Variants in NUGGC observed in about 807,000 individuals in gnomAD.
NUGGC encodes the protein nuclear GTPase, germinal center associated, also known as nuclear GTPase SLIP-GC.
In NUGGC, 58 loss-of-function variants were observed where a neutral mutation model predicts 92.6. The ratio of observed to expected loss-of-function variants is 0.63; its 90% confidence interval spans 0.51 to 0.78. The LOEUF is 0.78. NUGGC is among the 30% of genes least tolerant of loss of function. The pLI, the probability that NUGGC is intolerant of heterozygous loss-of-function variation, is 0.00. For missense variants in NUGGC, 925 were observed against 964.6 expected, an observed-to-expected ratio of 0.96 and a Z score of 0.54; for synonymous variants, 376 against 366.4, an observed-to-expected ratio of 1.03 and a Z score of -0.30.
At chr8:28,066,255 T>C (rs1585594736) in intron 6 of NUGGC, among the ~76,000 whole-genome samples, 2 of 152,364 alleles carry the variant, frequency 1.3e-5, no homozygotes, top group African/African-American at 4.8e-5. Flanking sequence ...ATCATTTTAA[T>C]AGTAATATTC....
At chr8:28,064,771 C>A in intron 6 of NUGGC, 40 bp from the exon 7 acceptor site, 2 of 1,561,846 alleles carry the variant, frequency 1.3e-6, no homozygotes, top group Non-Finnish European at 1.8e-6. Context: ...CAGCCATGCA[C>A]CCAGCTCTGT....
At chr8:28,057,565 T>A (rs1810179304) in intron 9 of NUGGC, among the ~76,000 whole-genome samples, 2 of 152,072 alleles carry the variant, frequency 1.3e-5, no homozygotes, top group South Asian at 4.2e-4. Flanking sequence ...TGGTCTTAAC[T>A]CCTGACCTCG....
At chr8:28,024,188 A>T (rs7011844) in intron 18 of NUGGC, among the ~76,000 whole-genome samples, 78,467 of 148,160 alleles carry the variant, frequency 0.53, 21,412 homozygotes, top group Middle Eastern at 0.6. Flanking sequence ...GCCTAGCTAA[A>T]TTCTTTCTTT....
At chr8:28,043,321 A>G (rs1272367709) in intron 12 of NUGGC, among the ~76,000 whole-genome samples, 1 of 152,248 alleles carries the variant, frequency 6.6e-6, no homozygotes, top group Non-Finnish European at 1.5e-5. Flanking sequence ...TCAACTTCCT[A>G]TGGATTCTTA....
chr8:28,029,177 C>A (rs533007680), intron 17 of NUGGC, 89 bp downstream of exon 17: 105 of 1,365,688 alleles, frequency 7.7e-5, no homozygotes, highest in South Asian at 1.6e-4. Flanking sequence ...GACCCAAATG[C>A]CTACTATGCC....
intron 7 of NUGGC, among the ~76,000 whole-genome samples, chr8:28,062,558 A>C (rs762994201): frequency 3.3e-5 from 5 of 152,196 alleles, no homozygotes; most frequent in Admixed American, 1.3e-4. Flanking sequence ...TCGAGGTTGC[A>C]GTCAGCCATG....
intron 17 of NUGGC, 33 bp from the exon 18 acceptor site, chr8:28,027,085 G>C: frequency 6.6e-7 from 1 of 1,519,094 alleles, no homozygotes. Flanking sequence ...CTGTTAGGAT[G>C]GTGCAGCCCA....
At chr8:28,065,152 C>CTTT (rs5890398) in intron 6 of NUGGC, among the ~76,000 whole-genome samples, 20 of 79,928 alleles carry the variant, frequency 2.5e-4, no homozygotes, top group African/African-American at 5.1e-4. Context: ...GAAATTGGAT[C>CTTT]TTTTTTTTTT....
At chr8:28,036,008 G>A (rs1809545205) in intron 13 of NUGGC, among the ~76,000 whole-genome samples, 1 of 152,068 alleles carries the variant, frequency 6.6e-6, no homozygotes, top group South Asian at 2.1e-4. Flanking sequence ...TCAGCTTCCT[G>A]AGAAGCTGGG....
At chr8:28,048,402 G>A (rs905898729) in intron 10 of NUGGC, among the ~76,000 whole-genome samples, 1 of 150,444 alleles carries the variant, frequency 6.6e-6, no homozygotes, top group Non-Finnish European at 1.5e-5. Context: ...AGCCTTTTGG[G>A]TTTTTTGTTT....
chr8:28,066,769 C>T (rs554338804), intron 6 of NUGGC, among the ~76,000 whole-genome samples: 7 of 152,176 alleles, frequency 4.6e-5, no homozygotes, highest in Admixed American at 6.5e-5. Context: ...AGTTGCCTAT[C>T]GAATGTCCAT....
chr8:28,083,445 G>A (rs1810899046), intron 1 of NUGGC, among the ~76,000 whole-genome samples: 1 of 152,214 alleles, frequency 6.6e-6, no homozygotes, highest in Non-Finnish European at 1.5e-5. Context: ...CAACGCTACA[G>A]CTAAGAGGAG....
At chr8:28,023,978 G>C (rs1809185394) in intron 18 of NUGGC, among the ~76,000 whole-genome samples, 1 of 152,126 alleles carries the variant, frequency 6.6e-6, no homozygotes, top group South Asian at 2.1e-4. Flanking sequence ...ATGCCTCTGG[G>C]AGGGTGTTTT....
chr8:28,034,425 A>G (rs1004537873), intron 13 of NUGGC, among the ~76,000 whole-genome samples: 13 of 152,220 alleles, frequency 8.5e-5, no homozygotes, highest in African/African-American at 3.1e-4. Flanking sequence ...GTTTTAAGGG[A>G]ATGGCCACAT....
At position 28,051,929 on chromosome 8, in the gene NUGGC, C is replaced by CA. The variant is rs113512149; in HGVS notation, c.1206+4035dup. On this transcript the variant is annotated intron_variant, in intron 10 of 18. Transcript: ENST00000413272. ...AGGAGCGAAACAAAACAAAACAAAA[C>CA]AAAACAAAAACAAAAACAAACAAAA... Among the ~76,000 whole-genome samples, 289 of 148,166 alleles carry CA rather than the reference C, an allele frequency of 2.0e-3. 1 individual carries two copies. Among genetic ancestry groups the CA allele is most frequent in the East Asian group, 8.3e-3 (42 of 5,066 alleles).
intron 12 of NUGGC, among the ~76,000 whole-genome samples, chr8:28,041,521 C>G (rs1254237351): frequency 2.0e-5 from 3 of 152,224 alleles, no homozygotes; most frequent in Non-Finnish European, 4.4e-5. Flanking sequence ...AAGTAGCTAT[C>G]CACATAGAAA....
intron 17 of NUGGC, among the ~76,000 whole-genome samples, chr8:28,027,773 T>A (rs1320185748): frequency 6.6e-6 from 1 of 152,162 alleles, no homozygotes; most frequent in African/African-American, 2.4e-5. Context: ...AGGTTCCAGC[T>A]TCCTCATCTT....
chr8:28,032,113 G>A (rs374573650), intron 14 of NUGGC, among the ~76,000 whole-genome samples: 12 of 152,188 alleles, frequency 7.9e-5, no homozygotes, highest in South Asian at 2.1e-4. Flanking sequence ...ACCAGGCAGC[G>A]GTGCAGGCAG....
intron 2 of NUGGC, among the ~76,000 whole-genome samples, chr8:28,073,880 C>T (rs950590675): frequency 5.3e-5 from 8 of 152,078 alleles, no homozygotes; most frequent in Middle Eastern, 3.2e-3. Context: ...CTCACTGTGA[C>T]CTCCGCCTCC....
Sources: allele counts gnomAD v4.1 joint callset (sites outside exome capture counted in the v4.1 genomes callset), GRCh38; gene constraint gnomAD v4.1.1; transcripts MANE v1.5; gene names NCBI Gene and HGNC (gene_info 2026-07-23, HGNC 2026-07-21).